The following CFAP263 variants were observed in gnomAD, a reference collection of about 807,000 sequenced individuals.
CFAP263 encodes the protein cilia and flagella associated protein 263.
At chr16:58,257,010 A>ATTTTTTTTTTTTT in the CFAP263 span, among the ~76,000 whole-genome samples, 10 of 50,180 alleles carry the variant, frequency 2.0e-4, no homozygotes, top group African/African-American at 8.5e-4. Context: ...GCATATATGA[A>ATTTTTTTTTTTTT]TTTCTTTTTT....
the CFAP263 span, among the ~76,000 whole-genome samples, chr16:58,266,403 ATATTTTTTTTTTTTTT>A: frequency 3.4e-5 from 1 of 29,450 alleles, no homozygotes; most frequent in African/African-American, 1.5e-4. Flanking sequence ...ATATATATAT[ATATTTTTTTTTTTTTT>A]TTTTTTTTTT....
chr16:58,250,180 G>A, the CFAP263 span: 1 of 926,434 alleles, frequency 1.1e-6, no homozygotes, highest in Admixed American at 2.3e-5. Flanking sequence ...GGGCGGCCTC[G>A]GACTTGGGGA....
At chr16:58,277,652 T>C in the CFAP263 span, among the ~76,000 whole-genome samples, 5 of 152,224 alleles carry the variant, frequency 3.3e-5, no homozygotes, top group South Asian at 6.2e-4. Context: ...AGCCAAGAAG[T>C]GGAAGCAACC....
At chr16:58,273,994 T>G in the CFAP263 span, among the ~76,000 whole-genome samples, 3 of 152,232 alleles carry the variant, frequency 2.0e-5, no homozygotes, top group Admixed American at 1.3e-4. Context: ...TGAGTTCTCT[T>G]TGACTCTGCA....
At chr16:58,278,447 G>A in the CFAP263 span, 1 of 1,603,902 alleles carries the variant, frequency 6.2e-7, no homozygotes, top group South Asian at 1.1e-5. Flanking sequence ...GAGCTGCTGG[G>A]GTTCCCTGGG....
the CFAP263 span, among the ~76,000 whole-genome samples, chr16:58,271,090 A>G: frequency 6.6e-6 from 1 of 152,140 alleles, no homozygotes; most frequent in African/African-American, 2.4e-5. Context: ...ATAATTACCT[A>G]TTATACAGTT....
At chr16:58,266,477 T>C in the CFAP263 span, among the ~76,000 whole-genome samples, 1 of 142,402 alleles carries the variant, frequency 7.0e-6, no homozygotes, top group African/African-American at 2.6e-5. Context: ...TTCTCACAGC[T>C]TGGCACAATT....
the CFAP263 span, among the ~76,000 whole-genome samples, chr16:58,261,663 G>T: frequency 6.6e-6 from 1 of 152,222 alleles, no homozygotes. Flanking sequence ...AGGAATGGTT[G>T]TACTGGGGCT....
chr16:58,278,596 A>T, the CFAP263 span: 115 of 1,614,074 alleles, frequency 7.1e-5, no homozygotes, highest in Non-Finnish European at 9.3e-5. Flanking sequence ...GGACCTGGAG[A>T]AGAGCATCAG....
At chr16:58,281,027 A>T in the CFAP263 span, 11 of 432,438 alleles carry the variant, frequency 2.5e-5, no homozygotes, top group African/African-American at 2.2e-4. Flanking sequence ...GCCCCTTTCC[A>T]GTCCTTTGGC....
At chr16:58,277,673 T>C in the CFAP263 span, among the ~76,000 whole-genome samples, 6 of 152,136 alleles carry the variant, frequency 3.9e-5, no homozygotes, top group Non-Finnish European at 7.3e-5. Flanking sequence ...CAAGTGTCTA[T>C]CGAAGGATGA....
the CFAP263 span, among the ~76,000 whole-genome samples, chr16:58,252,039 T>C: frequency 6.6e-6 from 1 of 152,096 alleles, no homozygotes; most frequent in Admixed American, 6.5e-5. Flanking sequence ...AAAGGAAACA[T>C]CTGAAGATTG....
the CFAP263 span, among the ~76,000 whole-genome samples, chr16:58,250,786 T>G: frequency 2.0e-5 from 3 of 146,892 alleles, no homozygotes; most frequent in Non-Finnish European, 4.5e-5. Context: ...AAAAAAAAAT[T>G]ATATGATAAA....
At chr16:58,282,304 C>T in the CFAP263 span, 1 of 152,126 alleles carries the variant, frequency 6.6e-6, no homozygotes, top group Non-Finnish European at 1.5e-5. Flanking sequence ...TGCACCCGGC[C>T]TAATTTCTGT....
At chr16:58,251,612 G>A in the CFAP263 span, among the ~76,000 whole-genome samples, 2,216 of 152,170 alleles carry the variant, frequency 0.015, 68 homozygotes, top group African/African-American at 0.05. Context: ...GGCTGGTCTC[G>A]AACTCCTGAC....
the CFAP263 span, among the ~76,000 whole-genome samples, chr16:58,263,777 A>G: frequency 2.6e-5 from 4 of 152,230 alleles, no homozygotes; most frequent in Non-Finnish European, 4.4e-5. Flanking sequence ...CAGGAGTTCA[A>G]GACCAGCCTG....
chr16:58,251,118 C>T, the CFAP263 span, among the ~76,000 whole-genome samples: 2 of 152,184 alleles, frequency 1.3e-5, no homozygotes, highest in African/African-American at 2.4e-5. Context: ...GGTATTATTA[C>T]TAACAGCTCT....
chr16:58,279,020 C>G, the CFAP263 span, among the ~76,000 whole-genome samples: 4 of 152,030 alleles, frequency 2.6e-5, no homozygotes, highest in African/African-American at 9.7e-5. Flanking sequence ...TTTAATATCA[C>G]TCAGGACCTC....
chr16:58,263,781 C>G, the CFAP263 span, among the ~76,000 whole-genome samples: 31 of 152,184 alleles, frequency 2.0e-4, no homozygotes, highest in Non-Finnish European at 3.4e-4. Context: ...AGTTCAAGAC[C>G]AGCCTGGCCA....
Sources: gnomAD v4.1 joint callset for allele counts (sites outside exome capture counted in the v4.1 genomes callset) on GRCh38, gnomAD v4.1.1 for gene constraint, MANE v1.5 for transcripts, NCBI Gene and HGNC (gene_info 2026-07-23, HGNC 2026-07-21) for gene names.